The following DOP1B variants were observed in gnomAD, a reference collection of about 807,000 sequenced individuals.
The protein encoded by DOP1B is DOP1 leucine zipper like protein B, also known as protein DOP1B.
In DOP1B, 174 loss-of-function variants were observed where a neutral mutation model predicts 233.5. The observed-to-expected ratio is 0.75, with a 90% CI of 0.66 to 0.85. The LOEUF is 0.85. Among genes scored for constraint, DOP1B ranks in the 40% least tolerant of loss-of-function variants. The pLI, the probability that DOP1B is intolerant of heterozygous loss-of-function variation, is 0.00. For synonymous variants in DOP1B, 1,190 were observed against 1,185.6 expected (o/e 1.00, Z -0.08); for missense variants, 2,652 against 2,846.6 (o/e 0.93, Z 1.56).
intron 31 of DOP1B, among the ~76,000 whole-genome samples, chr21:36,280,928 G>A (rs527863467): frequency 2.6e-5 from 4 of 152,006 alleles, no homozygotes; most frequent in Non-Finnish European, 5.9e-5. Context: ...CATGAACCCG[G>A]GAGGCAGAGA....
chr21:36,186,887 AGCCCG>A (rs916341244), intron 2 of DOP1B, among the ~76,000 whole-genome samples: 2 of 152,082 alleles, frequency 1.3e-5, no homozygotes, highest in African/African-American at 2.4e-5. Context: ...TGAGAGCTGG[AGCCCG>A]GACTCGGACC....
Position 36,288,809 on chromosome 21 carries a change from G to A in DOP1B, c.6351G>A (p.Leu2117=). The change falls in exon 34 of 37, where the codon TTG becomes TTA. Residue 2117 remains leucine (L), a splice_region_variant and synonymous_variant. Transcript: ENST00000691173. ...EEDLKDEDES[L]RSTNKVNRTK... ...ATCTAAAAGATGAAGATGAGTCATT[G>A]AGGTAAGCAGTACAAGATCTGTACA... 4 of 1,611,860 alleles carry A rather than the reference G, an allele frequency of 2.5e-6. No individual in the cohort carries two copies. The highest frequency in any genetic ancestry group is 3.4e-6 in the Non-Finnish European group (4 of 1,178,170).
chr21:36,238,750 A>C, intron 17 of DOP1B, 49 bp downstream of exon 17: 2 of 1,583,862 alleles, frequency 1.3e-6, no homozygotes, highest in Non-Finnish European at 1.7e-6. Context: ...AGGAAACTCC[A>C]CAGAGGTGCC....
At chr21:36,170,774 G>A (rs2065965499) in intron 2 of DOP1B, among the ~76,000 whole-genome samples, 1 of 151,060 alleles carries the variant, frequency 6.6e-6, no homozygotes, top group African/African-American at 2.4e-5. Flanking sequence ...AGCACGTAGT[G>A]CTGAGTGACA....
At chr21:36,248,227 GAGA>G (rs2066991386) in intron 20 of DOP1B, among the ~76,000 whole-genome samples, 150 bp from the exon 21 acceptor site, 1 of 152,198 alleles carries the variant, frequency 6.6e-6, no homozygotes, top group African/African-American at 2.4e-5. Flanking sequence ...GAAATGCACA[GAGA>G]AGCTTATTGC....
chr21:36,238,840 C>T lies in DOP1B; in HGVS notation c.2876+139C>T, dbSNP rs377625445. Reference sequence around the variant, plus strand: ...CCATATGACCGGGTGTGGTGGCTCACGCCTGTAATCCCAGCCCTTTGGGAA... The same window carrying T: ...CCATATGACCGGGTGTGGTGGCTCATGCCTGTAATCCCAGCCCTTTGGGAA... On this transcript the variant is annotated intron_variant, in intron 17 of 36. Coordinates refer to ENST00000691173, the MANE Select transcript of DOP1B (RefSeq NM_001320714.2). The T allele has an allele frequency of 7.0e-4, 551 of 790,686 alleles. 2 individuals carry two copies. The highest frequency in any genetic ancestry group is 6.6e-3 in the African/African-American group (388 of 58,486). 49.0% of individuals were successfully genotyped at this position (790,686 alleles called of 1,614,324 possible). A position where few individuals can be genotyped will look rare whatever the true frequency, so the allele number is the denominator to read the frequency against.
In DOP1B at chr21:36,200,483, G is replaced by T. The variant is rs774034819; in HGVS notation, c.473G>T (p.Gly158Val). 1 of 1,608,836 alleles carries T rather than the reference G, an allele frequency of 6.2e-7. No individual in the cohort carries two copies. The highest frequency in any genetic ancestry group is 1.1e-5 in the South Asian group (1 of 90,636). ...IVGLLPGLEEGSEISDRTDAL... is the reference protein window; with the variant it reads ...IVGLLPGLEEVSEISDRTDAL... The stretch of plus-strand genomic sequence containing the variant: ...GGCCTGCTGCCCGGCCTTGAAGAGG[G>T]CTCCGAGATCTCCGACAGGTGCGTG... The change falls in exon 4 of 37, where the codon GGC (glycine) becomes GTC (valine). Residue 158 changes from glycine to valine, a missense_variant. This residue lies in a region of DOP1B where 2,617 missense variants were observed against 2,794.3 expected (regional missense o/e 0.94). Transcript: ENST00000691173.
In DOP1B at chr21:36,237,305, G is replaced by A. The variant is rs375875949; in HGVS notation, c.2666G>A (p.Arg889Gln). The A allele has an allele frequency of 3.7e-6, 6 of 1,614,144 alleles. No individual in the cohort carries two copies. Among genetic ancestry groups the A allele is most frequent in the African/African-American group, 1.3e-5 (1 of 75,024 alleles). The change falls in exon 16 of 37, where the codon CGG (arginine) becomes CAG (glutamine). Residue 889 changes from arginine to glutamine, a missense_variant. By Grantham distance (43) the Arg-to-Gln change is conservative. Coordinates refer to ENST00000691173, the MANE Select transcript of DOP1B (RefSeq NM_001320714.2). ...VLWNQLNKET[R>Q]EHHVTCVELF... The stretch of plus-strand genomic sequence containing the variant: ...TGGAATCAGCTGAACAAAGAGACCC[G>A]GGAGCATCACGTCACCTGCGTAGAA...
intron 1 of DOP1B, among the ~76,000 whole-genome samples, chr21:36,161,894 C>T (rs1369391832): frequency 6.6e-6 from 1 of 152,134 alleles, no homozygotes; most frequent in Non-Finnish European, 1.5e-5. Flanking sequence ...TTCCACTAAG[C>T]GTGTGTTTTC....
chr21:36,213,618 C>A (rs879496881), intron 7 of DOP1B, among the ~76,000 whole-genome samples: 5 of 151,698 alleles, frequency 3.3e-5, no homozygotes, highest in Admixed American at 2.0e-4. Flanking sequence ...TGCTGAAACC[C>A]CTTCTCTACT....
At position 36,225,604 on chromosome 21, in the gene DOP1B, C is replaced by A. The variant is rs2066673163; in HGVS notation, c.1410C>A (p.Ser470Arg). ...GTTACAGCGTGAGGAACAGCGTCAG[C>A]CCTCCCCCCACGGTCTCGGAGCTCT... ...KQRYSVRNSV[S>R]PPPTVSELCA... Residue 470 changes from serine (S) to arginine (R), a missense_variant, in exon 12 of 37, where the codon AGC (serine) becomes AGA (arginine). This residue lies in a region of DOP1B where 2,617 missense variants were observed against 2,794.3 expected (regional missense o/e 0.94). Coordinates refer to ENST00000691173, the MANE Select transcript of DOP1B (RefSeq NM_001320714.2). 6 of 1,614,122 alleles carry A rather than the reference C, an allele frequency of 3.7e-6. No homozygotes were observed. The highest frequency in any genetic ancestry group is 5.1e-6 in the Non-Finnish European group (6 of 1,180,028).
At chr21:36,165,383 C>A (rs1229939861) in intron 2 of DOP1B, among the ~76,000 whole-genome samples, 1 of 152,104 alleles carries the variant, frequency 6.6e-6, no homozygotes, top group Non-Finnish European at 1.5e-5. Context: ...ATATTGAAAT[C>A]TGCCCAAAAC....
chr21:36,196,518 G>A lies in DOP1B; in HGVS notation c.139-2552G>A, dbSNP rs529322771. On this transcript the variant is annotated intron_variant, in intron 2 of 36. Coordinates refer to ENST00000691173, the MANE Select transcript of DOP1B (RefSeq NM_001320714.2). Reference sequence around the variant, plus strand: ...GTGGAAGTTAAGTGGCCTCTCCTCTGTTCTTTTTTTTTTTTTCCTTTTTGG... The same window carrying A: ...GTGGAAGTTAAGTGGCCTCTCCTCTATTCTTTTTTTTTTTTTCCTTTTTGG... Among the ~76,000 whole-genome samples, 12 of 143,958 alleles carry A rather than the reference G, an allele frequency of 8.3e-5. No homozygotes were observed. In the East Asian group the frequency reaches 2.4e-3, roughly 29 times the overall value. 94.4% of individuals were successfully genotyped at this position (143,958 alleles called of 152,430 possible).
Position 36,248,398 on chromosome 21 carries a change from C to T in DOP1B, c.4828C>T (p.Pro1610Ser). Residue 1610 changes from proline (P) to serine (S), a missense_variant, in exon 21 of 37, where the codon CCT (proline) becomes TCT (serine). By Grantham distance (74) the Pro-to-Ser change is moderately conservative. This residue lies in a region of DOP1B where 2,617 missense variants were observed against 2,794.3 expected (regional missense o/e 0.94). Transcript: ENST00000691173. ...TTTTTAGACCATGGCTGCAGGTGAT[C>T]CTGCCAACTTGAGGAATGCCAGAAA... The part of the protein sequence containing the change: ...QNKKTMAAGD[P>S]ANLRNARNAI... 6.2e-7 allele frequency: 1 copy of T among 1,613,790 alleles called. No individual in the cohort carries two copies. Among genetic ancestry groups the T allele is most frequent in the Non-Finnish European group, 8.5e-7 (1 of 1,179,902 alleles).
At chr21:36,213,711 T>C (rs2066526494) in intron 7 of DOP1B, among the ~76,000 whole-genome samples, 1 of 151,508 alleles carries the variant, frequency 6.6e-6, no homozygotes, top group Admixed American at 6.6e-5. Flanking sequence ...GCTAATTTTT[T>C]GTATTTTTAG....
chr21:36,277,083 C>G lies in DOP1B; in HGVS notation c.5695C>G (p.Leu1899Val), dbSNP rs773956226. Residue 1899 changes from leucine to valine, a missense_variant, in exon 28 of 37, where the codon CTC becomes GTC. Leu to Val is a conservative substitution (Grantham distance 32). This residue lies in a region of DOP1B where 2,617 missense variants were observed against 2,794.3 expected (regional missense o/e 0.94). Transcript: ENST00000691173. ...CCCGTCGGTGTACAGCGTGCAAGCCCTCTCTCTCCTGGCAGAGGTAAATAC... is the reference window on the plus strand; with the variant it reads ...CCCGTCGGTGTACAGCGTGCAAGCCGTCTCTCTCCTGGCAGAGGTAAATAC... ...SAPSVYSVQA[L>V]SLLAEVLASL... 7 of 1,614,008 alleles carry G rather than the reference C, an allele frequency of 4.3e-6. No homozygotes were observed. The highest frequency in any genetic ancestry group is 3.3e-5 in the South Asian group (3 of 91,080).
intron 26 of DOP1B, among the ~76,000 whole-genome samples, chr21:36,265,293 G>A (rs2067218649): frequency 6.6e-6 from 1 of 152,152 alleles, no homozygotes. Context: ...CTACTCAGGA[G>A]GCTGAGGCAG....
chr21:36,292,280 A>G, intron 36 of DOP1B, 47 bp downstream of exon 36: 1 of 1,424,694 alleles, frequency 7.0e-7, no homozygotes, highest in Non-Finnish European at 9.4e-7. Context: ...TTGGTGAGAC[A>G]GAGTTTCACT....
rs1002099285 is a variant in DOP1B at position 36,231,151 on chromosome 21, C to T, written c.2350+17C>T. On this transcript the variant is annotated intron_variant, in intron 14 of 36. Transcript: ENST00000691173. The stretch of plus-strand genomic sequence containing the variant: ...AGCTGCCAGGTGAGAGGCAGCCCTG[C>T]CGAAGTCCCTCTTTGGGAATCATAC... 4 of 1,558,568 alleles carry T rather than the reference C, an allele frequency of 2.6e-6. No homozygotes were observed. The highest frequency in any genetic ancestry group is 1.8e-5 in the Admixed American group (1 of 54,054).
Sources: gnomAD v4.1 joint callset for allele counts (sites outside exome capture counted in the v4.1 genomes callset) on GRCh38, gnomAD v4.1.1 for gene constraint, gnomAD v4.1.1 regional missense constraint, MANE v1.5 for transcripts, NCBI Gene and HGNC (gene_info 2026-07-23, HGNC 2026-07-21) for gene names.